NCOR2: variants seen among roughly 807,000 people sequenced by gnomAD.
NCOR2 encodes CTG repeat protein 26.
Under a neutral mutation model 262.9 loss-of-function variants are expected in NCOR2, and 81 were observed. That is an observed-to-expected ratio of 0.31 (90% confidence interval 0.26 to 0.37). NCOR2 has a LOEUF of 0.37. NCOR2 is among the 10% of genes least tolerant of loss of function. The pLI is 1.00. For missense variants in NCOR2, 3,385 were observed against 3,621.4 expected (o/e 0.93, Z 1.68); for synonymous variants, 1,659 against 1,559.3 (o/e 1.06, Z -1.51).
chr12:124,503,651 G>C lies in NCOR2; in HGVS notation c.-117-8283C>G, dbSNP rs2048879947. Among the ~76,000 whole-genome samples the C allele has an allele frequency of 6.7e-6, 1 of 149,098 alleles. No individual in the cohort carries two copies. Among genetic ancestry groups the C allele is most frequent in the East Asian group, 2.0e-4 (1 of 5,124 alleles). On this transcript the variant is annotated intron_variant, in intron 1 of 46. Coordinates refer to the NCOR2 transcript ENST00000404621. This position sits in a 1 kb window ranked among gnomAD's most constrained non-coding sequence, Gnocchi z 4.3. The stretch of plus-strand genomic sequence containing the variant: ...GGATGGATGGGCGAATGGATGGATG[G>C]ATGGATGGATGGACGGGTGAATGGA...
At chr12:124,435,899 C>T (rs1045559264) in intron 8 of NCOR2, among the ~76,000 whole-genome samples, 3 of 152,234 alleles carry the variant, frequency 2.0e-5, no homozygotes, top group African/African-American at 4.8e-5. Context: ...CTCTGTGCCT[C>T]GATTTCCTCC....
In NCOR2 at chr12:124,362,288, T is replaced by C. The variant is rs757179516; in HGVS notation, c.2938A>G (p.Lys980Glu). The C allele has an allele frequency of 3.0e-6, 4 of 1,317,256 alleles. 1 individual carries two copies. The South Asian group carries it at 8.6e-5, about 28-fold the overall frequency. The allele number at this position is 1,317,256 out of a possible 1,614,324, so 81.6% of individuals were successfully genotyped here. A position where few individuals can be genotyped will look rare whatever the true frequency, so the allele number is the denominator to read the frequency against. Residue 980 changes from lysine to glutamate, a missense_variant, in exon 22 of 47, where the codon AAA becomes GAA. Transcript: ENST00000405201. ...TCCTCCCGGGGGGGCTCATGGACTT[T>C]GGTGACCTGCTGAGGGAAGCAGGCA...
At chr12:124,327,312 G>C in intron 45 of NCOR2, 97 bp downstream of exon 47, 1 of 1,010,634 alleles carries the variant, frequency 9.9e-7, no homozygotes, top group Non-Finnish European at 1.4e-6. Context: ...AAGCTCCAAA[G>C]CTCGAGGAGG....
chr12:124,422,840 G>A (rs1204025535), intron 11 of NCOR2, among the ~76,000 whole-genome samples: 2 of 152,224 alleles, frequency 1.3e-5, no homozygotes, highest in South Asian at 4.1e-4. Context: ...GGAAAAATGA[G>A]GACACGACAT....
intron 17 of NCOR2, among the ~76,000 whole-genome samples, chr12:124,381,232 A>T (rs1214383369): frequency 2.0e-5 from 3 of 151,796 alleles, no homozygotes; most frequent in Non-Finnish European, 4.4e-5. Context: ...TCGCTGCCCC[A>T]GCCACAGGGC....
intron 20 of NCOR2, among the ~76,000 whole-genome samples, chr12:124,370,298 G>A (rs576610250): frequency 3.9e-5 from 6 of 152,340 alleles, no homozygotes; most frequent in Admixed American, 2.6e-4. Flanking sequence ...GCATGGGCGC[G>A]GTTCCTGTTG....
chr12:124,498,601 C>T (rs375527763), upstream of NCOR2, among the ~76,000 whole-genome samples: 15 of 152,298 alleles, frequency 9.8e-5, no homozygotes, highest in South Asian at 2.1e-4. Flanking sequence ...GTTAGGGAAA[C>T]GGTTTGGCGG....
exon 21 of NCOR2, chr12:124,363,718 C>T: frequency 7.1e-7 from 1 of 1,412,486 alleles, no homozygotes; most frequent in South Asian, 1.7e-5. Flanking sequence ...TCAGCTGCTT[C>T]AGGTCCAGTG....
chr12:124,371,757 T>TC (rs1273413566), intron 20 of NCOR2, among the ~76,000 whole-genome samples: 3 of 151,934 alleles, frequency 2.0e-5, no homozygotes, highest in African/African-American at 7.3e-5. Context: ...GCACACTCTC[T>TC]CCCTAGCGCT....
rs2045100650 is a variant in NCOR2 at position 124,445,497 on chromosome 12, C to T, written c.815+4318G>A. 2.0e-5 allele frequency among the ~76,000 whole-genome samples: 3 copies of T among 152,350 alleles called. No homozygotes were observed. The South Asian group carries it at 6.2e-4, about 32-fold the overall frequency. ...AAGTCAAGCGTGAAATTAACTTTCA[C>T]TCCGCGGCCCCAGCATGCAGACGCA... On this transcript the variant is annotated intron_variant, in intron 7 of 46. Coordinates refer to ENST00000405201, the Ensembl canonical transcript of NCOR2.
At chr12:124,330,891 G>T (rs1287003742) in exon 44 of NCOR2, 2 of 1,581,740 alleles carry the variant, frequency 1.3e-6, no homozygotes, top group Admixed American at 1.8e-5. Context: ...TCCCAGGCTG[G>T]CTGATATCTG....
At chr12:124,500,105 C>T (rs567017113), upstream of NCOR2, among the ~76,000 whole-genome samples, 5 of 152,136 alleles carry the variant, frequency 3.3e-5, no homozygotes, top group East Asian at 7.7e-4. Flanking sequence ...GTCAGGCCTC[C>T]GAGGAGAACA....
In NCOR2 at chr12:124,454,019, C is replaced by A. The variant is rs1347303576; in HGVS notation, c.762+3087G>T. ...TGTGACCCACAGCACCTCAGGCCGT[C>A]CCTGGCCCGGGCTTCTGGCACCCAG... is the stretch of plus-strand genomic sequence containing the variant. On this transcript the variant is annotated intron_variant, in intron 6 of 46. Coordinates refer to ENST00000405201, the Ensembl canonical transcript of NCOR2. The surrounding 1 kb of genome is among the most constrained non-coding windows in gnomAD (Gnocchi z 5.6). Among the ~76,000 whole-genome samples, 1 of 152,250 alleles carries A rather than the reference C, an allele frequency of 6.6e-6. No individual in the cohort carries two copies. Among genetic ancestry groups the A allele is most frequent in the Non-Finnish European group, 1.5e-5 (1 of 68,040 alleles).
upstream of NCOR2, among the ~76,000 whole-genome samples, chr12:124,540,121 C>T (rs2051245273): frequency 6.6e-6 from 1 of 151,698 alleles, no homozygotes; most frequent in African/African-American, 2.4e-5. Context: ...CACACACACA[C>T]CCAAACACCC....
intron 30 of NCOR2, 46 bp from the exon 33 acceptor site, chr12:124,346,896 C>G (rs1416884797): frequency 6.2e-6 from 9 of 1,460,494 alleles, no homozygotes; most frequent in Admixed American, 5.0e-5. Context: ...CCCACCCAGA[C>G]CCATCAAGAG....
chr12:124,356,749 T>A (rs767244603), exon 23 of NCOR2: 2 of 1,490,604 alleles, frequency 1.3e-6, no homozygotes, highest in Non-Finnish European at 1.8e-6. Context: ...GCAAGGGGGG[T>A]CCCCAGGCAG....
intron 11 of NCOR2, among the ~76,000 whole-genome samples, chr12:124,426,249 G>A (rs753158935): frequency 1.9e-4 from 29 of 152,324 alleles, no homozygotes; most frequent in Middle Eastern, 3.4e-3. Flanking sequence ...GTTGTATTGG[G>A]TTAGGCTAGA....
At position 124,457,182 on chromosome 12, in the gene NCOR2, A is replaced by G; in HGVS notation, c.706-20T>C. The G allele has an allele frequency of 6.5e-7, 1 of 1,535,990 alleles. No individual in the cohort carries two copies. The highest frequency in any genetic ancestry group is 8.7e-7 in the Non-Finnish European group (1 of 1,152,780). Reference sequence around the variant, plus strand: ...CTTCTTCTGCAGGGTGATGGCGAAGAGGAGGAATTTTTTTAAAAAACAAAA... The same window carrying G: ...CTTCTTCTGCAGGGTGATGGCGAAGGGGAGGAATTTTTTTAAAAAACAAAA... On this transcript the variant is annotated intron_variant, in intron 5 of 46. Coordinates refer to ENST00000405201, the Ensembl canonical transcript of NCOR2. This position sits in a 1 kb window ranked among gnomAD's most constrained non-coding sequence, Gnocchi z 4.0.
chr12:124,414,016 A>T (rs1308425336), intron 13 of NCOR2, among the ~76,000 whole-genome samples: 3 of 146,488 alleles, frequency 2.0e-5, no homozygotes, highest in Non-Finnish European at 3.0e-5. Flanking sequence ...CGCATCCAGC[A>T]TCCGACTCCC....
Sources: gnomAD v4.1 joint callset for allele counts (sites outside exome capture counted in the v4.1 genomes callset) on GRCh38, gnomAD v4.1.1 for gene constraint, Gnocchi (gnomAD v3.1) non-coding constraint, MANE v1.5 for transcripts, NCBI Gene and HGNC (gene_info 2026-07-23, HGNC 2026-07-21) for gene names.